RIMS2: variants seen among roughly 807,000 people sequenced by gnomAD.
RIMS2 encodes regulating synaptic membrane exocytosis protein 2.
In RIMS2, 59 loss-of-function variants were observed where a neutral mutation model predicts 174.4. The ratio of observed to expected loss-of-function variants is 0.34; its 90% CI spans 0.27 to 0.42. RIMS2 has a LOEUF of 0.42. Ranked by LOEUF, RIMS2 falls within the 10% of genes least tolerant of loss-of-function variation. The probability of loss-of-function intolerance (pLI) is 1.00; values close to 1 mark genes in which losing one functional copy is unlikely to be tolerated. For missense variants in RIMS2, 1,620 were observed against 1,666.3 expected (o/e 0.97, Z 0.48); for synonymous variants, 606 against 572.5 (o/e 1.06, Z -0.84).
In RIMS2 at chr8:103,508,595, G is replaced by A. The variant is rs1431035841; in HGVS notation, c.176+7533G>A. ...GATGGCAAGGTTCAGAGCCTAAAAA[G>A]CCTTCTATGCTATTCTTTGGATTTG... On this transcript the variant is annotated intron_variant, in intron 1 of 23. Coordinates refer to ENST00000504942, the Ensembl canonical transcript of RIMS2. Among the ~76,000 whole-genome samples the A allele has an allele frequency of 3.3e-5, 5 of 152,100 alleles. No homozygotes were observed. In the South Asian group the frequency reaches 8.3e-4, roughly 25 times the overall value.
rs139165591 is a variant in RIMS2 at position 103,688,164 on chromosome 8, GTCT to G, written c.177-8914_177-8912del. Among the ~76,000 whole-genome samples, 138 of 152,144 alleles carry G rather than the reference GTCT, an allele frequency of 9.1e-4. 1 individual carries two copies. The highest frequency in any genetic ancestry group is 3.0e-3 in the African/African-American group (125 of 41,526). ...ATAAGTTGCAATAGTTGGTATCCTT[GTCT>G]TCTTCTTGATCTTAGAGGAAAGTTT... On this transcript the variant is annotated intron_variant, in intron 1 of 23. Transcript: ENST00000504942.
In RIMS2 at chr8:104,071,569, G is replaced by A. The variant is rs186096209; in HGVS notation, c.3334+56954G>A. Among the ~76,000 whole-genome samples the A allele has an allele frequency of 1.8e-3, 271 of 152,186 alleles. 3 individuals are homozygous for A. The highest frequency in any genetic ancestry group is 0.01 in the Middle Eastern group (3 of 294). On this transcript the variant is annotated intron_variant, in intron 19 of 23. Transcript: ENST00000504942. ...CCTGCCTCAGCCTCCTGAGTAGCTG[G>A]GACTACAGGCACGCGCCACCATGCC...
rs576081246 is a variant in RIMS2, at chr8:104,243,350, T to G, written c.3335-1566T>G. 8.2e-4 allele frequency among the ~76,000 whole-genome samples: 125 copies of G among 152,268 alleles called. 1 individual carries two copies. Among genetic ancestry groups the G allele is most frequent in the African/African-American group, 2.8e-3 (117 of 41,570 alleles). ...TCTAAGAGACTTGGTGAAAAGAGAT[T>G]TCGACAAATCACTGGCAATATCAGC... On this transcript the variant is annotated intron_variant, in intron 19 of 23. Transcript: ENST00000504942.
chr8:104,136,812 G>A (rs2098524740), intron 19 of RIMS2, among the ~76,000 whole-genome samples: 1 of 152,098 alleles, frequency 6.6e-6, no homozygotes, highest in Non-Finnish European at 1.5e-5. Context: ...TGGAGGGTGG[G>A]AGGAGGGAGA....
intron 2 of RIMS2, among the ~76,000 whole-genome samples, chr8:103,762,482 T>G (rs2098122739): frequency 6.6e-6 from 1 of 152,188 alleles, no homozygotes; most frequent in Admixed American, 6.5e-5. Context: ...TTAGATAAAT[T>G]TTGTTCCATG....
At chr8:103,599,442 A>T (rs1427223009) in intron 1 of RIMS2, among the ~76,000 whole-genome samples, 10 of 147,876 alleles carry the variant, frequency 6.8e-5, no homozygotes, top group Non-Finnish European at 1.0e-4. Flanking sequence ...GTGTATATAT[A>T]TATTTTTTTT....
At chr8:103,588,298 T>C (rs555427626) in intron 1 of RIMS2, among the ~76,000 whole-genome samples, 15 of 151,974 alleles carry the variant, frequency 9.9e-5, no homozygotes, top group African/African-American at 3.6e-4. Context: ...ATTGAAAGAA[T>C]CAATATTGTT....
chr8:103,972,110 T>C lies in RIMS2; in HGVS notation c.2771-3240T>C, dbSNP rs12546086. Among the ~76,000 whole-genome samples the C allele has an allele frequency of 4.4e-3, 665 of 152,284 alleles. 23 individuals are homozygous for C. The highest frequency in any genetic ancestry group is 0.035 in the Admixed American group (530 of 15,290). On this transcript the variant is annotated intron_variant, in intron 15 of 23. Coordinates refer to ENST00000504942, the Ensembl canonical transcript of RIMS2. ...ATGCTAAAACTCCCAAATGTATATC[T>C]CCAGTCAATTCTACTTATTTTTTCT...
intron 19 of RIMS2, among the ~76,000 whole-genome samples, chr8:104,154,739 A>C (rs1231533338): frequency 6.6e-6 from 1 of 152,194 alleles, no homozygotes; most frequent in Non-Finnish European, 1.5e-5. Context: ...TCTTGTAATA[A>C]TTTATAAGCT....
At chr8:104,244,817 A>T in intron 19 of RIMS2, 99 bp from the exon 26 acceptor site, 2 of 915,836 alleles carry the variant, frequency 2.2e-6, no homozygotes, top group Non-Finnish European at 1.7e-6. Context: ...CTTTTTATTT[A>T]CACAGTTCTT....
At chr8:103,779,922 A>G (rs2098368129) in intron 3 of RIMS2, among the ~76,000 whole-genome samples, 1 of 152,108 alleles carries the variant, frequency 6.6e-6, no homozygotes, top group South Asian at 2.1e-4. Context: ...AAAAGAAAGA[A>G]AGTGAGTTGG....
chr8:103,696,406 A>G (rs1044553713), intron 1 of RIMS2, among the ~76,000 whole-genome samples: 1 of 152,170 alleles, frequency 6.6e-6, no homozygotes, highest in Admixed American at 6.6e-5. Context: ...TGTAAGTCAA[A>G]TTAGCTTTCT....
rs569995429 is a variant in RIMS2, at chr8:103,523,576, T to C, written c.176+22514T>C. On this transcript the variant is annotated intron_variant, in intron 1 of 23. Coordinates refer to ENST00000504942, the Ensembl canonical transcript of RIMS2. ...AAGGAATTTGGCTTTATTCTAATTA[T>C]ACTGACAATGTAAAGCAGGCAGGTT... is the stretch of plus-strand genomic sequence containing the variant. 5.3e-5 allele frequency among the ~76,000 whole-genome samples: 8 copies of C among 152,270 alleles called. No homozygotes were observed. The East Asian group carries it at 1.3e-3, about 26-fold the overall frequency.
chr8:103,558,806 A>T (rs575307225), intron 1 of RIMS2, among the ~76,000 whole-genome samples: 1 of 152,306 alleles, frequency 6.6e-6, no homozygotes, highest in South Asian at 2.1e-4. Flanking sequence ...AATATGTGCA[A>T]AAATATAAAA....
At chr8:103,853,486 A>C (rs2099010538) in intron 3 of RIMS2, among the ~76,000 whole-genome samples, 1 of 151,762 alleles carries the variant, frequency 6.6e-6, no homozygotes. Context: ...GGTATTTTCT[A>C]ATTTTCTTCT....
At chr8:104,022,704 C>A (rs2096135327) in intron 19 of RIMS2, among the ~76,000 whole-genome samples, 2 of 152,106 alleles carry the variant, frequency 1.3e-5, no homozygotes, top group Admixed American at 1.3e-4. Context: ...CTCTTAATGT[C>A]TTGATTTTGC....
At chr8:104,019,640 A>G (rs944058924) in intron 19 of RIMS2, among the ~76,000 whole-genome samples, 2 of 152,196 alleles carry the variant, frequency 1.3e-5, no homozygotes, top group Non-Finnish European at 2.9e-5. Flanking sequence ...GTTTAATTGC[A>G]TATTTCTAGA....
At chr8:104,045,184 A>G (rs550225551) in intron 19 of RIMS2, among the ~76,000 whole-genome samples, 2 of 151,970 alleles carry the variant, frequency 1.3e-5, no homozygotes, top group Non-Finnish European at 3.0e-5. Context: ...CTTCACTAAT[A>G]TATTTGGTCA....
intron 19 of RIMS2, among the ~76,000 whole-genome samples, chr8:104,074,707 A>G (rs958830678): frequency 1.2e-4 from 19 of 152,120 alleles, no homozygotes; most frequent in Non-Finnish European, 2.4e-4. Context: ...TAATTAAAGG[A>G]GACTGGAACA....
Sources: allele counts gnomAD v4.1 joint callset (sites outside exome capture counted in the v4.1 genomes callset), GRCh38; gene constraint gnomAD v4.1.1; transcripts MANE v1.5; gene names NCBI Gene and HGNC (gene_info 2026-07-23, HGNC 2026-07-21).